Variants in VAV3 observed in about 807,000 individuals in gnomAD.
The protein encoded by VAV3 is vav guanine nucleotide exchange factor 3, also known as guanine nucleotide exchange factor VAV3.
A neutral mutation model predicts 131.2 loss-of-function variants in VAV3; 94 were observed. The observed-to-expected ratio is 0.72, with a 90% CI of 0.61 to 0.85. VAV3 has a LOEUF of 0.85. Among genes scored for constraint, VAV3 ranks in the 40% least tolerant of loss-of-function variants. The probability of loss-of-function intolerance (pLI) is 0.00; values close to 1 mark genes in which losing one functional copy is unlikely to be tolerated. For synonymous variants in VAV3, 349 were observed against 342.0 expected (o/e 1.02, Z -0.22); for missense variants, 939 against 1,002.7 (o/e 0.94, Z 0.86).
chr1:107,885,745 C>A (rs187024533), intron 1 of VAV3, among the ~76,000 whole-genome samples: 1 of 152,216 alleles, frequency 6.6e-6, no homozygotes, highest in East Asian at 1.9e-4. Flanking sequence ...ACAACTGGCC[C>A]TACCTCACAT....
intron 2 of VAV3, among the ~76,000 whole-genome samples, chr1:107,821,962 T>C (rs1000384421): frequency 1.3e-5 from 2 of 152,176 alleles, no homozygotes; most frequent in African/African-American, 2.4e-5. Flanking sequence ...AAGTGGGCAC[T>C]TTTAAAGAGA....
At chr1:107,891,846 A>AG (rs1425626983) in intron 1 of VAV3, among the ~76,000 whole-genome samples, 1 of 147,484 alleles carries the variant, frequency 6.8e-6, no homozygotes, top group East Asian at 2.0e-4. Context: ...CTCAAAAAAA[A>AG]AAAAAAAAAA....
At chr1:107,839,365 C>A (rs905626959) in intron 2 of VAV3, among the ~76,000 whole-genome samples, 1 of 151,930 alleles carries the variant, frequency 6.6e-6, no homozygotes, top group East Asian at 1.9e-4. Context: ...AACTAGAAAT[C>A]AACAACAGAA....
intron 1 of VAV3, among the ~76,000 whole-genome samples, chr1:107,927,841 G>T (rs7544156): frequency 1.8e-3 from 267 of 152,246 alleles, no homozygotes; most frequent in Non-Finnish European, 3.2e-3. Context: ...CCCACCTGGG[G>T]CCTGGGGGAA....
chr1:107,613,114 C>A (rs1166081555), intron 21 of VAV3, among the ~76,000 whole-genome samples: 3 of 152,122 alleles, frequency 2.0e-5, no homozygotes, highest in Admixed American at 6.6e-5. Context: ...TCTATTATTT[C>A]TGTTGTTAGC....
chr1:107,905,379 G>C (rs750431866), intron 1 of VAV3, among the ~76,000 whole-genome samples: 15 of 152,088 alleles, frequency 9.9e-5, no homozygotes, highest in Non-Finnish European at 1.8e-4. Flanking sequence ...ACATGTATTT[G>C]TTCTTTCTAG....
intron 15 of VAV3, among the ~76,000 whole-genome samples, chr1:107,713,428 A>T (rs1349609132): frequency 2.0e-5 from 3 of 152,144 alleles, no homozygotes; most frequent in African/African-American, 7.2e-5. Context: ...ATGGTAAAAG[A>T]TTAATCTCCT....
intron 9 of VAV3, among the ~76,000 whole-genome samples, chr1:107,763,506 G>A (rs1664558772): frequency 6.6e-6 from 1 of 152,182 alleles, no homozygotes; most frequent in Non-Finnish European, 1.5e-5. Context: ...CTACTAGGAA[G>A]TAGGTGTATA....
At chr1:107,654,680 TAA>T (rs1656413732) in intron 19 of VAV3, among the ~76,000 whole-genome samples, 1 of 152,016 alleles carries the variant, frequency 6.6e-6, no homozygotes, top group South Asian at 2.1e-4. Flanking sequence ...TTTTTCTACA[TAA>T]AGAGTTTCTT....
rs1438972993 is a variant in VAV3, at chr1:107,726,289, A to G, written c.1503-21228T>C. ...TCACAGAAGATAAACAAATCACTCC[A>G]AAGTAGAATTTCATTAAACTCTGCT... On this transcript the variant is annotated intron_variant, in intron 15 of 26. Transcript: ENST00000370056. 2.6e-5 allele frequency among the ~76,000 whole-genome samples: 4 copies of G among 152,326 alleles called. No homozygotes were observed. The South Asian group carries it at 8.3e-4, about 32-fold the overall frequency.
chr1:107,780,145 T>G (rs958404361), intron 2 of VAV3, among the ~76,000 whole-genome samples: 6 of 152,236 alleles, frequency 3.9e-5, no homozygotes, highest in African/African-American at 1.4e-4. Context: ...ACTTAACTTC[T>G]CTGAGCTTTT....
intron 2 of VAV3, among the ~76,000 whole-genome samples, chr1:107,817,655 G>A (rs1667614536): frequency 6.6e-6 from 1 of 152,112 alleles, no homozygotes; most frequent in Non-Finnish European, 1.5e-5. Flanking sequence ...GACTGCAAGA[G>A]AAGAGGGATC....
intron 1 of VAV3, among the ~76,000 whole-genome samples, chr1:107,905,460 G>T (rs1263323240): frequency 6.6e-6 from 1 of 152,066 alleles, no homozygotes. Context: ...CCCAGTGCCT[G>T]TCAACATGCC....
rs374712107 is a variant in VAV3, at chr1:107,924,213, G to A, written c.204+40453C>T. The stretch of plus-strand genomic sequence containing the variant: ...GACAGAAATTTGTCAACAACCCATT[G>A]CAGTTTTGAAGGCAAAGAATTAAAA... On this transcript the variant is annotated intron_variant, in intron 1 of 26. Coordinates refer to ENST00000370056, the MANE Select transcript of VAV3 (RefSeq NM_006113.5). 2.3e-4 allele frequency among the ~76,000 whole-genome samples: 35 copies of A among 152,196 alleles called. 2 individuals are homozygous for A. The East Asian group carries it at 6.0e-3, about 26-fold the overall frequency.
At chr1:107,705,387 T>C (rs1660384153) in intron 15 of VAV3, among the ~76,000 whole-genome samples, 1 of 148,986 alleles carries the variant, frequency 6.7e-6, no homozygotes, top group South Asian at 2.1e-4. Flanking sequence ...TGGATACTCA[T>C]CTTATCTGAT....
Position 107,868,207 on chromosome 1 carries a change from T to C in VAV3, c.321+6694A>G, listed in dbSNP as rs142243892. On this transcript the variant is annotated intron_variant, in intron 2 of 26. Transcript: ENST00000370056. ...CCCAAAGATTTCTGGATAATTTGAG[T>C]GGGAAATACTTCAAGAGAGAAACAT... is the stretch of plus-strand genomic sequence containing the variant. Among the ~76,000 whole-genome samples the C allele has an allele frequency of 1.9e-3, 286 of 152,124 alleles. 1 individual carries two copies. Among genetic ancestry groups the C allele is most frequent in the African/African-American group, 6.3e-3 (260 of 41,514 alleles).
At chr1:107,859,592 T>C (rs1669644281) in intron 2 of VAV3, among the ~76,000 whole-genome samples, 1 of 152,168 alleles carries the variant, frequency 6.6e-6, no homozygotes, top group Non-Finnish European at 1.5e-5. Flanking sequence ...CCACACTGAA[T>C]GCAAGCCAAG....
At chr1:107,883,177 T>C (rs1419972272) in intron 1 of VAV3, among the ~76,000 whole-genome samples, 1 of 152,196 alleles carries the variant, frequency 6.6e-6, no homozygotes, top group African/African-American at 2.4e-5. Context: ...TTTCATGAGT[T>C]ATATGTAATT....
At chr1:107,680,776 T>G (rs1422628513) in intron 19 of VAV3, among the ~76,000 whole-genome samples, 1 of 152,154 alleles carries the variant, frequency 6.6e-6, no homozygotes, top group Non-Finnish European at 1.5e-5. Context: ...ATTCATTTCC[T>G]TTTACAAATG....
Sources: allele counts gnomAD v4.1 joint callset (sites outside exome capture counted in the v4.1 genomes callset), GRCh38; gene constraint gnomAD v4.1.1; transcripts MANE v1.5; gene names NCBI Gene and HGNC (gene_info 2026-07-23, HGNC 2026-07-21).